Variants in CHCHD6 observed in about 807,000 individuals in gnomAD.
CHCHD6 encodes coiled-coil-helix-coiled-coil-helix domain containing 6.
CHCHD6 carries 28 observed loss-of-function variants against 32.3 expected under a neutral mutation model. That is an observed-to-expected ratio of 0.87 (90% CI 0.64 to 1.19). The LOEUF is 1.19. CHCHD6 is among the 50% of genes most tolerant of loss of function. CHCHD6 has a pLI of 0.00. For synonymous variants in CHCHD6, 122 were observed against 117.5 expected (o/e 1.04, Z -0.25); for missense variants, 333 against 307.0 (o/e 1.08, Z -0.63).
At chr3:126,938,532 C>T (rs557972641) in intron 6 of CHCHD6, among the ~76,000 whole-genome samples, 1 of 152,238 alleles carries the variant, frequency 6.6e-6, no homozygotes, top group African/African-American at 2.4e-5. Flanking sequence ...TAACATCCAG[C>T]ATCCAGTTTA....
At chr3:126,945,643 G>A (rs2078625751) in intron 6 of CHCHD6, among the ~76,000 whole-genome samples, 1 of 137,856 alleles carries the variant, frequency 7.3e-6, no homozygotes, top group Non-Finnish European at 1.6e-5. Context: ...CTCAAGTCGG[G>A]AGACTCAGGG....
At chr3:126,882,520 C>A (rs116218450) in intron 5 of CHCHD6, among the ~76,000 whole-genome samples, 4,588 of 152,312 alleles carry the variant, frequency 0.03, 94 homozygotes, top group Non-Finnish European at 0.039. Context: ...GAATTAATTT[C>A]TTTTACGAAT....
chr3:126,905,644 G>A (rs1418294482), intron 5 of CHCHD6, among the ~76,000 whole-genome samples: 2 of 152,306 alleles, frequency 1.3e-5, no homozygotes, highest in East Asian at 1.9e-4. Context: ...GGATGGAGCA[G>A]CGGGGTGGCC....
At chr3:126,951,347 C>G (rs2078713014) in intron 6 of CHCHD6, among the ~76,000 whole-genome samples, 1 of 151,986 alleles carries the variant, frequency 6.6e-6, no homozygotes, top group South Asian at 2.1e-4. Flanking sequence ...CAGACTAATA[C>G]AAAAAAATGA....
intron 4 of CHCHD6, among the ~76,000 whole-genome samples, chr3:126,768,423 C>T (rs1937465158): frequency 6.6e-6 from 1 of 152,100 alleles, no homozygotes; most frequent in South Asian, 2.1e-4. Flanking sequence ...TCTTGTGTAC[C>T]TTTTCATCCT....
intron 4 of CHCHD6, among the ~76,000 whole-genome samples, chr3:126,806,717 T>C (rs1939401798): frequency 1.3e-5 from 2 of 152,108 alleles, no homozygotes; most frequent in Admixed American, 1.3e-4. Context: ...CAAAGGACTA[T>C]AAATCATGCT....
chr3:126,751,503 C>CA (rs774893414), intron 4 of CHCHD6, among the ~76,000 whole-genome samples: 3,248 of 71,540 alleles, frequency 0.045, 100 homozygotes, highest in Non-Finnish European at 0.062. Context: ...GACCCTGTCT[C>CA]AAAAAAAAAA....
At position 126,872,733 on chromosome 3, in the gene CHCHD6, G is replaced by T. The variant is rs751799427; in HGVS notation, c.495+20003G>T. Among the ~76,000 whole-genome samples the T allele has an allele frequency of 1.1e-4, 16 of 152,146 alleles. 2 individuals are homozygous for T. The highest frequency in any genetic ancestry group is 1.0e-3 in the Admixed American group (16 of 15,284). On this transcript the variant is annotated intron_variant, in intron 5 of 7. Coordinates refer to ENST00000290913, the MANE Select transcript of CHCHD6 (RefSeq NM_032343.3). ...CTCCTGCACCTTGCTTCCCTGGAGA[G>T]CCCTGGTTTTCATCCCTATCTTTTA... is the stretch of plus-strand genomic sequence containing the variant.
At chr3:126,765,987 C>G (rs1937355695) in intron 4 of CHCHD6, among the ~76,000 whole-genome samples, 1 of 152,162 alleles carries the variant, frequency 6.6e-6, no homozygotes, top group South Asian at 2.1e-4. Flanking sequence ...AGGCCGGTGA[C>G]TTTGCCTGGC....
intron 4 of CHCHD6, among the ~76,000 whole-genome samples, chr3:126,807,687 G>A (rs947580299): frequency 6.6e-6 from 1 of 152,146 alleles, no homozygotes; most frequent in Non-Finnish European, 1.5e-5. Flanking sequence ...ATTAGCTTTC[G>A]AAAATAGACC....
chr3:126,892,231 T>G (rs1327075211), intron 5 of CHCHD6, among the ~76,000 whole-genome samples: 2 of 152,188 alleles, frequency 1.3e-5, no homozygotes, highest in Admixed American at 1.3e-4. Flanking sequence ...CCCATGCTTG[T>G]ACAGGCCTGG....
chr3:126,840,525 A>G (rs1203294283), intron 4 of CHCHD6, among the ~76,000 whole-genome samples: 2 of 152,220 alleles, frequency 1.3e-5, no homozygotes, highest in African/African-American at 4.8e-5. Flanking sequence ...CTGACATATA[A>G]CATCCCAGGG....
chr3:126,884,502 T>C (rs979756024), intron 5 of CHCHD6, among the ~76,000 whole-genome samples: 8 of 152,148 alleles, frequency 5.3e-5, no homozygotes, highest in African/African-American at 1.9e-4. Flanking sequence ...TTGGAATTCA[T>C]AGGAGTTGAC....
intron 1 of CHCHD6, among the ~76,000 whole-genome samples, chr3:126,723,533 A>G (rs939935084): frequency 7.9e-5 from 12 of 151,770 alleles, no homozygotes; most frequent in African/African-American, 2.9e-4. Context: ...TTTTTTTTGC[A>G]AAATTGAGAT....
chr3:126,943,979 G>A (rs1295837934), intron 6 of CHCHD6, among the ~76,000 whole-genome samples: 1 of 152,220 alleles, frequency 6.6e-6, no homozygotes. Context: ...ACGCAAAACT[G>A]TGAAACTCCT....
intron 6 of CHCHD6, among the ~76,000 whole-genome samples, chr3:126,955,387 C>T (rs1188609660): frequency 6.6e-6 from 1 of 152,228 alleles, no homozygotes; most frequent in South Asian, 2.1e-4. Flanking sequence ...AAAACCCCCC[C>T]CACCCAGTCC....
intron 1 of CHCHD6, among the ~76,000 whole-genome samples, chr3:126,716,637 C>T (rs1329004479): frequency 6.6e-6 from 1 of 152,092 alleles, no homozygotes; most frequent in Non-Finnish European, 1.5e-5. Flanking sequence ...TTGAGTGTCT[C>T]CGGTGTGCTA....
chr3:126,958,154 TC>T (rs1385591708), intron 7 of CHCHD6, among the ~76,000 whole-genome samples: 1 of 151,178 alleles, frequency 6.6e-6, no homozygotes, highest in Non-Finnish European at 1.5e-5. Context: ...CCTACTGCCT[TC>T]CTCCCCCACC....
intron 4 of CHCHD6, among the ~76,000 whole-genome samples, chr3:126,794,455 A>G (rs1938696718): frequency 6.7e-6 from 1 of 149,512 alleles, no homozygotes; most frequent in Non-Finnish European, 1.5e-5. Flanking sequence ...TATATATATT[A>G]CATTTATTTG....
Sources: gnomAD v4.1 joint callset for allele counts (sites outside exome capture counted in the v4.1 genomes callset) on GRCh38, gnomAD v4.1.1 for gene constraint, MANE v1.5 for transcripts, NCBI Gene and HGNC (gene_info 2026-07-23, HGNC 2026-07-21) for gene names.